Variants in EXOC4 observed in about 807,000 individuals in gnomAD.
EXOC4 encodes exocyst complex component 4.
In EXOC4, 71 loss-of-function variants were observed where a neutral mutation model predicts 107.2. The ratio of observed to expected loss-of-function variants is 0.66; its 90% CI spans 0.55 to 0.81. The LOEUF (loss-of-function observed/expected upper bound fraction) is 0.81, where lower values mean the gene tolerates loss of function less well. Ranked by LOEUF, EXOC4 falls within the 30% of genes least tolerant of loss-of-function variation. The pLI is 0.00. For missense variants in EXOC4, 1,108 were observed against 1,189.6 expected, an observed-to-expected ratio of 0.93 and a Z score of 1.01; for synonymous variants, 456 against 441.2, an observed-to-expected ratio of 1.03 and a Z score of -0.42.
At chr7:133,944,245 A>C (rs551702404) in intron 14 of EXOC4, among the ~76,000 whole-genome samples, 16 of 152,144 alleles carry the variant, frequency 1.1e-4, no homozygotes. Context: ...CAGTTTTCCC[A>C]TATCACAGTT....
At chr7:133,651,190 T>G (rs112375456) in intron 10 of EXOC4, among the ~76,000 whole-genome samples, 178 of 152,252 alleles carry the variant, frequency 1.2e-3, no homozygotes, top group African/African-American at 4.0e-3. Flanking sequence ...TTGATGTAAA[T>G]GATTGACAGC....
intron 7 of EXOC4, among the ~76,000 whole-genome samples, chr7:133,407,591 A>C (rs924268948): frequency 2.0e-5 from 3 of 152,212 alleles, no homozygotes; most frequent in Admixed American, 1.3e-4. Flanking sequence ...TAAGCTATGA[A>C]GGATAGCAAC....
chr7:133,302,619 CCAATT>C (rs1794664875), intron 3 of EXOC4, among the ~76,000 whole-genome samples: 1 of 152,192 alleles, frequency 6.6e-6, no homozygotes, highest in South Asian at 2.1e-4. Context: ...ACAGCATTTA[CCAATT>C]CACTGTACTG....
chr7:133,654,664 A>G (rs1023527300), intron 10 of EXOC4, among the ~76,000 whole-genome samples: 4 of 152,012 alleles, frequency 2.6e-5, no homozygotes, highest in East Asian at 1.9e-4. Context: ...TCTTTTCCCT[A>G]TTGCTCAGGC....
intron 11 of EXOC4, among the ~76,000 whole-genome samples, chr7:133,854,792 C>T (rs1798313321): frequency 2.7e-5 from 4 of 149,576 alleles, no homozygotes; most frequent in Non-Finnish European, 5.9e-5. Context: ...CATCCCTTTT[C>T]CTTATTCCCT....
At chr7:133,652,233 ATTG>A (rs1803175270) in intron 10 of EXOC4, among the ~76,000 whole-genome samples, 1 of 152,174 alleles carries the variant, frequency 6.6e-6, no homozygotes, top group Admixed American at 6.5e-5. Flanking sequence ...AAAAATATGA[ATTG>A]TTATTACTTT....
chr7:133,986,279 T>C (rs1481250992), intron 14 of EXOC4, among the ~76,000 whole-genome samples: 1 of 152,188 alleles, frequency 6.6e-6, no homozygotes, highest in Non-Finnish European at 1.5e-5. Flanking sequence ...GCTTCTGAAA[T>C]AGGAAGCAAA....
intron 10 of EXOC4, among the ~76,000 whole-genome samples, chr7:133,722,586 A>G (rs565548051): frequency 3.3e-5 from 5 of 152,356 alleles, no homozygotes; most frequent in African/African-American, 1.2e-4. Flanking sequence ...CTGGTGTAGT[A>G]AGCAGAGGTG....
chr7:133,787,114 A>G (rs1049277642), intron 10 of EXOC4, among the ~76,000 whole-genome samples: 1 of 151,120 alleles, frequency 6.6e-6, no homozygotes, highest in African/African-American at 2.4e-5. Flanking sequence ...ATATTTATTG[A>G]GCATTTTCTG....
intron 11 of EXOC4, among the ~76,000 whole-genome samples, chr7:133,823,866 TATATA>T (rs1797606835): frequency 4.7e-5 from 1 of 21,228 alleles, no homozygotes; most frequent in Non-Finnish European, 7.4e-5. Context: ...TATATATATA[TATATA>T]TTATATATAT....
intron 17 of EXOC4, among the ~76,000 whole-genome samples, chr7:134,028,156 AT>A (rs1161849474): frequency 6.6e-6 from 1 of 152,342 alleles, no homozygotes; most frequent in Admixed American, 6.5e-5. Context: ...TGTTAACCCC[AT>A]TAACCATAAT....
chr7:133,376,613 T>C (rs1307226566), intron 7 of EXOC4, among the ~76,000 whole-genome samples: 1 of 152,200 alleles, frequency 6.6e-6, no homozygotes, highest in Admixed American at 6.5e-5. Context: ...TGGTCAGATA[T>C]GAAGCTGTGT....
intron 17 of EXOC4, among the ~76,000 whole-genome samples, chr7:134,022,796 TTCTGTC>T (rs1282272698): frequency 1.3e-5 from 2 of 152,200 alleles, no homozygotes; most frequent in Non-Finnish European, 2.9e-5. Flanking sequence ...ATCAATTTCC[TTCTGTC>T]TGCACTAAGG....
At chr7:133,346,774 G>A (rs1057396664) in intron 5 of EXOC4, among the ~76,000 whole-genome samples, 3 of 152,152 alleles carry the variant, frequency 2.0e-5, no homozygotes, top group Admixed American at 6.5e-5. Context: ...TTTAAGTTAC[G>A]TAGATTGAAA....
At chr7:133,555,448 G>A (rs1800672905) in intron 9 of EXOC4, among the ~76,000 whole-genome samples, 1 of 152,086 alleles carries the variant, frequency 6.6e-6, no homozygotes, top group Admixed American at 6.6e-5. Context: ...ATATTCAGAA[G>A]CCCTAGGGAC....
At chr7:134,025,830 G>A (rs1795126444) in intron 17 of EXOC4, among the ~76,000 whole-genome samples, 1 of 152,204 alleles carries the variant, frequency 6.6e-6, no homozygotes, top group South Asian at 2.1e-4. Flanking sequence ...GACGAGCATA[G>A]TATCACTTCT....
intron 10 of EXOC4, among the ~76,000 whole-genome samples, chr7:133,742,553 A>G (rs1795588361): frequency 1.3e-5 from 2 of 152,240 alleles, no homozygotes; most frequent in Admixed American, 6.5e-5. Flanking sequence ...CAAAAAGTTT[A>G]AAGTATTTTA....
At chr7:133,671,619 TGTGCTGTAGGGGA>T (rs1422676594) in intron 10 of EXOC4, among the ~76,000 whole-genome samples, 1 of 152,100 alleles carries the variant, frequency 6.6e-6, no homozygotes, top group African/African-American at 2.4e-5. Flanking sequence ...GTATGAAGAA[TGTGCTGTAGGGGA>T]GTAATAGTAG....
chr7:133,983,310 C>T (rs1794038674), intron 14 of EXOC4, among the ~76,000 whole-genome samples: 1 of 152,172 alleles, frequency 6.6e-6, no homozygotes, highest in South Asian at 2.1e-4. Flanking sequence ...GGACACCTTT[C>T]CAAACTATAT....
Sources: gnomAD v4.1 joint callset for allele counts (sites outside exome capture counted in the v4.1 genomes callset) on GRCh38, gnomAD v4.1.1 for gene constraint, MANE v1.5 for transcripts, NCBI Gene and HGNC (gene_info 2026-07-23, HGNC 2026-07-21) for gene names.